PDZD2: variants seen among roughly 807,000 people sequenced by gnomAD.
The protein encoded by PDZD2 is PDZ domain-containing protein 2.
A neutral mutation model predicts 220.7 loss-of-function variants in PDZD2; 90 were observed. That is an observed-to-expected ratio of 0.41 (90% CI 0.34 to 0.49). The LOEUF (loss-of-function observed/expected upper bound fraction) is 0.49. Among genes scored for constraint, PDZD2 ranks in the 20% least tolerant of loss-of-function variants. PDZD2 has a pLI of 0.28. For missense variants in PDZD2, 3,174 were observed against 3,608.5 expected, an observed-to-expected ratio of 0.88 and a Z score of 3.08; for synonymous variants, 1,375 against 1,450.5, an observed-to-expected ratio of 0.95 and a Z score of 1.18.
intron 6 of PDZD2, among the ~76,000 whole-genome samples, chr5:32,027,963 A>G (rs75127680): frequency 0.018 from 2,003 of 110,168 alleles, 54 homozygotes; most frequent in African/African-American, 0.059. Context: ...CCACTGTCCT[A>G]TGGACACTGA....
chr5:31,915,796 C>G (rs1743626705), intron 2 of PDZD2, among the ~76,000 whole-genome samples: 1 of 152,186 alleles, frequency 6.6e-6, no homozygotes, highest in African/African-American at 2.4e-5. Flanking sequence ...CTTGGCCTTT[C>G]TATCTGAGCC....
intron 2 of PDZD2, among the ~76,000 whole-genome samples, chr5:31,950,363 T>C (rs1747075302): frequency 6.6e-6 from 1 of 152,176 alleles, no homozygotes; most frequent in Non-Finnish European, 1.5e-5. Flanking sequence ...CTCTAACCAA[T>C]GAGGAAGGCT....
chr5:31,898,726 C>T (rs1386845707), intron 2 of PDZD2, among the ~76,000 whole-genome samples: 1 of 151,872 alleles, frequency 6.6e-6, no homozygotes, highest in Non-Finnish European at 1.5e-5. Flanking sequence ...GGGGCAGTTT[C>T]CTTCAAATAT....
At position 32,090,766 on chromosome 5, in the gene PDZD2, T is replaced by C. The variant is rs1195964185; in HGVS notation, c.7318T>C (p.Ser2440Pro). ...AGAGACCAGTAGCAAGGGCTCTGAT[T>C]CGGAACTAAAGAAATCACTTGGTCC... ...PPETSSKGSDSELKKSLGPLG... is the reference protein window; with the variant it reads ...PPETSSKGSDPELKKSLGPLG... Residue 2440 changes from serine (S) to proline (P), a missense_variant, in exon 20 of 25, where the codon TCG (serine) becomes CCG (proline). This residue lies in a region of PDZD2 where 631 missense variants were observed against 789.9 expected (regional missense o/e 0.80). Coordinates refer to ENST00000438447, the MANE Select transcript of PDZD2 (RefSeq NM_178140.4). This position sits in a 1 kb window ranked among gnomAD's most constrained non-coding sequence, Gnocchi z 4.3. 1.2e-6 allele frequency: 2 copies of C among 1,614,094 alleles called. No homozygotes were observed. The highest frequency in any genetic ancestry group is 2.2e-5 in the East Asian group (1 of 44,868).
rs142603997 is a variant in PDZD2, at chr5:32,049,118, C to T, written c.1665+434C>T. Among the ~76,000 whole-genome samples the T allele has an allele frequency of 5.1e-3, 774 of 152,102 alleles. 2 individuals are homozygous for T. Among genetic ancestry groups the T allele is most frequent in the Non-Finnish European group, 8.1e-3 (551 of 67,998 alleles). ...GGCTCACCTGGAGTCCTACCTGTTA[C>T]ACAGTAATGACTCAAGCAGCCAAGG... On this transcript the variant is annotated intron_variant, in intron 8 of 24. Transcript: ENST00000438447.
intron 7 of PDZD2, among the ~76,000 whole-genome samples, chr5:32,044,104 G>A (rs1246305501): frequency 5.9e-5 from 9 of 151,824 alleles, no homozygotes; most frequent in African/African-American, 9.7e-5. Flanking sequence ...TGAGGTGGGC[G>A]GATCACCTGA....
At chr5:31,819,472 T>C (rs62348967) in intron 2 of PDZD2, among the ~76,000 whole-genome samples, 1 of 151,866 alleles carries the variant, frequency 6.6e-6, no homozygotes, top group Admixed American at 6.6e-5. Context: ...GCCTGACTAA[T>C]ATGGTAAAAC....
Position 31,799,151 on chromosome 5 carries a change from CTGA to C in PDZD2, c.-92_-90del, listed in dbSNP as rs1561468334. ...AGCCTGAACATGAACACAGGCAAAG[CTGA>C]TGATGGCCAGGGACCCCAGGGGACG... On this transcript the variant is annotated 5_prime_UTR_variant, in exon 2 of 25. An upstream start codon of the reference 5' UTR is lost. Transcript: ENST00000438447. The C allele has an allele frequency of 5.5e-6, 4 of 727,778 alleles. No individual in the cohort carries two copies. Among genetic ancestry groups the C allele is most frequent in the Non-Finnish European group, 9.1e-6 (4 of 439,156 alleles). 45.1% of individuals were successfully genotyped at this position (727,778 alleles called of 1,614,324 possible). A position where few individuals can be genotyped will look rare whatever the true frequency, so the allele number is the denominator to read the frequency against.
chr5:32,022,031 C>T (rs1754234984), intron 6 of PDZD2, among the ~76,000 whole-genome samples: 1 of 152,194 alleles, frequency 6.6e-6, no homozygotes, highest in Admixed American at 6.5e-5. Flanking sequence ...GCCAGCCTGA[C>T]ATCTCCGTCC....
intron 2 of PDZD2, among the ~76,000 whole-genome samples, chr5:31,860,903 C>T (rs764389864): frequency 5.3e-5 from 8 of 152,076 alleles, no homozygotes; most frequent in African/African-American, 1.2e-4. Context: ...CAGCCCATTG[C>T]GTGGTGGTGT....
chr5:32,058,889 T>C (rs1739401881), intron 12 of PDZD2, among the ~76,000 whole-genome samples: 1 of 152,176 alleles, frequency 6.6e-6, no homozygotes, highest in African/African-American at 2.4e-5. Context: ...AGATTATGTG[T>C]TAAAAAGAAA....
At chr5:32,010,887 T>G (rs1192365389) in intron 6 of PDZD2, among the ~76,000 whole-genome samples, 2 of 150,658 alleles carry the variant, frequency 1.3e-5, no homozygotes, top group Non-Finnish European at 3.0e-5. Flanking sequence ...TTCCAGCTAC[T>G]CAGGAGGCTG....
chr5:32,062,813 G>A (rs952819624), intron 14 of PDZD2, among the ~76,000 whole-genome samples: 3 of 152,010 alleles, frequency 2.0e-5, no homozygotes, highest in South Asian at 2.1e-4. Flanking sequence ...GACATTTAAC[G>A]TGCATTCACA....
At chr5:31,937,049 C>T (rs950354341) in intron 2 of PDZD2, among the ~76,000 whole-genome samples, 2 of 152,186 alleles carry the variant, frequency 1.3e-5, no homozygotes, top group African/African-American at 4.8e-5. Flanking sequence ...TGGGTGGCAG[C>T]CACATGCAAG....
At chr5:31,793,314 T>G (rs1753825546) in intron 1 of PDZD2, among the ~76,000 whole-genome samples, 3 of 151,982 alleles carry the variant, frequency 2.0e-5, no homozygotes, top group Non-Finnish European at 4.4e-5. Flanking sequence ...GTGGGGGCAC[T>G]TCCCCCTCAT....
At chr5:32,056,742 A>G (rs917491121) in intron 10 of PDZD2, among the ~76,000 whole-genome samples, 4 of 152,186 alleles carry the variant, frequency 2.6e-5, no homozygotes, top group African/African-American at 9.6e-5. Context: ...CTGAGATAGA[A>G]GCTTATAGTA....
chr5:31,912,022 G>A (rs900651288), intron 2 of PDZD2, among the ~76,000 whole-genome samples: 8 of 152,184 alleles, frequency 5.3e-5, no homozygotes, highest in Admixed American at 2.0e-4. Context: ...AGTGTCTGCC[G>A]TACTTAATCC....
intron 6 of PDZD2, among the ~76,000 whole-genome samples, chr5:32,017,930 A>G (rs1466900768): frequency 1.3e-5 from 2 of 152,174 alleles, no homozygotes; most frequent in African/African-American, 2.4e-5. Flanking sequence ...AACCTTGGGG[A>G]GTAACTGGTC....
chr5:32,005,255 T>C (rs973381623), intron 5 of PDZD2, among the ~76,000 whole-genome samples: 1 of 152,222 alleles, frequency 6.6e-6, no homozygotes, highest in Non-Finnish European at 1.5e-5. Flanking sequence ...AGTCACCTTG[T>C]TGCAAAACTT....
Sources: allele counts gnomAD v4.1 joint callset (sites outside exome capture counted in the v4.1 genomes callset), GRCh38; gene constraint gnomAD v4.1.1; regional missense constraint gnomAD v4.1.1; non-coding constraint Gnocchi (gnomAD v3.1); transcripts MANE v1.5; gene names NCBI Gene and HGNC (gene_info 2026-07-23, HGNC 2026-07-21).